The following ST6GAL1 variants were observed in gnomAD, a reference collection of about 807,000 sequenced individuals.
ST6GAL1 encodes the protein ST6 beta-galactoside alpha-2,6-sialyltransferase 1, also known as beta-galactoside alpha-2,6-sialyltransferase 1.
ST6GAL1 carries 20 observed loss-of-function variants against 38.0 expected under a neutral mutation model. The observed-to-expected ratio is 0.53, with a 90% CI of 0.37 to 0.77. The LOEUF (loss-of-function observed/expected upper bound fraction) is 0.77, where lower values mean the gene tolerates loss of function less well. Among genes scored for constraint, ST6GAL1 ranks in the 30% least tolerant of loss-of-function variants. The pLI is 0.00. For synonymous variants in ST6GAL1, 196 were observed against 188.2 expected (o/e 1.04, Z -0.34); for missense variants, 432 against 496.4 (o/e 0.87, Z 1.23).
chr3:187,010,487 G>C (rs544818652), intron 2 of ST6GAL1, among the ~76,000 whole-genome samples: 17 of 152,324 alleles, frequency 1.1e-4, no homozygotes, highest in Admixed American at 6.5e-4. Context: ...TTTTGAGATG[G>C]AGTTGTCCAG....
chr3:187,063,408 A>G (rs1718987899), intron 5 of ST6GAL1, among the ~76,000 whole-genome samples: 1 of 152,198 alleles, frequency 6.6e-6, no homozygotes, highest in Non-Finnish European at 1.5e-5. Flanking sequence ...AGAAGGTTTG[A>G]ACAAAGAGAT....
intron 5 of ST6GAL1, among the ~76,000 whole-genome samples, chr3:187,065,129 G>A (rs933612658): frequency 1.3e-5 from 2 of 151,850 alleles, no homozygotes; most frequent in African/African-American, 4.8e-5. Context: ...CTCCCAAGTA[G>A]CTGAGATTAC....
At chr3:186,954,249 G>A (rs918300794) in intron 1 of ST6GAL1, among the ~76,000 whole-genome samples, 2 of 152,150 alleles carry the variant, frequency 1.3e-5, no homozygotes, top group Non-Finnish European at 2.9e-5. Context: ...CGTTTGGGTT[G>A]ATTCCATATC....
chr3:187,020,252 C>T (rs939690651), intron 2 of ST6GAL1, among the ~76,000 whole-genome samples: 7 of 152,146 alleles, frequency 4.6e-5, no homozygotes, highest in Non-Finnish European at 1.0e-4. Context: ...GCCGAGATTG[C>T]ACTGCTTCAC....
intron 2 of ST6GAL1, among the ~76,000 whole-genome samples, chr3:186,999,641 C>T (rs540641537): frequency 6.6e-6 from 1 of 152,106 alleles, no homozygotes; most frequent in South Asian, 2.1e-4. Context: ...GATCTCCTGA[C>T]CTCATGATCC....
At chr3:187,060,693 A>G (rs920626900) in intron 5 of ST6GAL1, among the ~76,000 whole-genome samples, 2 of 152,226 alleles carry the variant, frequency 1.3e-5, no homozygotes, top group African/African-American at 4.8e-5. Context: ...TTAATGTCGC[A>G]TTAGATGTGA....
At chr3:187,024,989 G>GTGCA (rs1491481414) in intron 2 of ST6GAL1, 7 of 52,618 alleles carry the variant, frequency 1.3e-4, no homozygotes, top group Admixed American at 1.0e-3. Context: ...AACCTGGTGC[G>GTGCA]TGTGTGTGTG....
intron 2 of ST6GAL1, among the ~76,000 whole-genome samples, chr3:186,994,762 G>C (rs1716306022): frequency 6.6e-6 from 1 of 152,076 alleles, no homozygotes; most frequent in Non-Finnish European, 1.5e-5. Context: ...TGGCCAACAT[G>C]ATGAAACTCC....
intron 5 of ST6GAL1, chr3:187,064,726 C>T: frequency 2.4e-6 from 1 of 416,116 alleles, no homozygotes; most frequent in Admixed American, 2.7e-5. Flanking sequence ...TGGTACTGAA[C>T]TGTGATGGAC....
At position 186,947,567 on chromosome 3, in the gene ST6GAL1, A is replaced by G. The variant is rs565122039; in HGVS notation, c.-324-16218A>G. ...TACGTTTATGTTTAGATTGGTATTTATTATTATTTACATTTACCTATAAAA... is the reference window on the plus strand; with the variant it reads ...TACGTTTATGTTTAGATTGGTATTTGTTATTATTTACATTTACCTATAAAA... On this transcript the variant is annotated intron_variant, in intron 1 of 7. Transcript: ENST00000169298. Among the ~76,000 whole-genome samples, 92 of 152,316 alleles carry G rather than the reference A, an allele frequency of 6.0e-4. 1 individual carries two copies. The South Asian group carries it at 0.019, about 31-fold the overall frequency.
At chr3:186,973,818 G>A (rs1274954805) in intron 2 of ST6GAL1, among the ~76,000 whole-genome samples, 2 of 152,294 alleles carry the variant, frequency 1.3e-5, no homozygotes, top group East Asian at 1.9e-4. Context: ...TTCAGTCAGC[G>A]AAGAGTGTCC....
intron 2 of ST6GAL1, among the ~76,000 whole-genome samples, chr3:187,032,465 C>T (rs985370820): frequency 1.2e-4 from 18 of 152,150 alleles, no homozygotes; most frequent in Middle Eastern, 3.4e-3. Context: ...GCTGTGAACC[C>T]GTCACCCATT....
At chr3:187,017,968 C>T (rs1717172402) in intron 2 of ST6GAL1, among the ~76,000 whole-genome samples, 1 of 152,090 alleles carries the variant, frequency 6.6e-6, no homozygotes, top group African/African-American at 2.4e-5. Context: ...AGAAATCGTT[C>T]CTGTTTTGTT....
intron 1 of ST6GAL1, among the ~76,000 whole-genome samples, chr3:186,947,457 C>T (rs967206154): frequency 2.0e-5 from 3 of 152,066 alleles, no homozygotes; most frequent in Admixed American, 6.6e-5. Context: ...TGCACAGAGA[C>T]CGGAATCAGC....
At chr3:186,990,974 C>T (rs770237731) in intron 2 of ST6GAL1, among the ~76,000 whole-genome samples, 2 of 152,060 alleles carry the variant, frequency 1.3e-5, no homozygotes, top group Non-Finnish European at 1.5e-5. Context: ...ACCGCTGGGC[C>T]GGGTTTCACA....
chr3:187,058,632 TTTA>T (rs140207844), intron 5 of ST6GAL1, among the ~76,000 whole-genome samples: 105,306 of 149,738 alleles, frequency 0.7, 37,910 homozygotes, highest in African/African-American at 0.86. Flanking sequence ...TGGTATTACT[TTTA>T]TTATTATTAT....
At chr3:187,057,351 C>T (rs528863679) in intron 5 of ST6GAL1, among the ~76,000 whole-genome samples, 8 of 152,274 alleles carry the variant, frequency 5.3e-5, no homozygotes, top group African/African-American at 9.6e-5. Context: ...CTGTTGCTGG[C>T]GAGGAGCTGC....
rs998232466 is a variant in ST6GAL1 at position 187,076,016 on chromosome 3, T to C, written c.*213T>C. The stretch of plus-strand genomic sequence containing the variant: ...GACAGTTTATGAGCCCAGAGCCTCC[T>C]GCCACACACATGCACACATATCTAG... On this transcript the variant is annotated 3_prime_UTR_variant, in exon 8 of 8. Coordinates refer to ENST00000169298, the MANE Select transcript of ST6GAL1 (RefSeq NM_173216.2). The C allele has an allele frequency of 3.1e-6, 2 of 636,748 alleles. No individual in the cohort carries two copies. Among genetic ancestry groups the C allele is most frequent in the East Asian group, 5.8e-5 (2 of 34,616 alleles). 39.4% of individuals were successfully genotyped at this position (636,748 alleles called of 1,614,324 possible).
intron 2 of ST6GAL1, among the ~76,000 whole-genome samples, chr3:187,034,457 G>T (rs1344502086): frequency 1.3e-5 from 2 of 152,104 alleles, no homozygotes; most frequent in Non-Finnish European, 2.9e-5. Context: ...AGTAAAAAAA[G>T]AAAACCGCAG....
Sources: allele counts gnomAD v4.1 joint callset (sites outside exome capture counted in the v4.1 genomes callset), GRCh38; gene constraint gnomAD v4.1.1; transcripts MANE v1.5; gene names NCBI Gene and HGNC (gene_info 2026-07-23, HGNC 2026-07-21).